ALDH1A2: variants seen among roughly 807,000 people sequenced by gnomAD.
The protein encoded by ALDH1A2 is retinal dehydrogenase 2.
Under a neutral mutation model 60.3 loss-of-function variants are expected in ALDH1A2, and 27 were observed. The ratio of observed to expected loss-of-function variants is 0.45; its 90% CI spans 0.33 to 0.62. The LOEUF is 0.62. Ranked by LOEUF, ALDH1A2 falls within the 20% of genes least tolerant of loss-of-function variation. ALDH1A2 has a pLI of 0.02. For missense variants in ALDH1A2, 581 were observed against 643.8 expected (o/e 0.90, Z 1.06); for synonymous variants, 289 against 232.4 (o/e 1.24, Z -2.21).
At chr15:57,980,058 T>C in intron 7 of ALDH1A2, 1 of 315,128 alleles carries the variant, frequency 3.2e-6, no homozygotes, top group Non-Finnish European at 6.5e-6. Flanking sequence ...GGGGGCAGGA[T>C]GTGATTCTTG....
chr15:58,032,793 C>CAT (rs1426183565), intron 1 of ALDH1A2, among the ~76,000 whole-genome samples: 2 of 145,184 alleles, frequency 1.4e-5, no homozygotes, highest in Non-Finnish European at 3.0e-5. Context: ...CCCCTCAACA[C>CAT]ACACACACAC....
At chr15:57,992,077 T>C (rs1341122835) in intron 7 of ALDH1A2, among the ~76,000 whole-genome samples, 2 of 152,236 alleles carry the variant, frequency 1.3e-5, no homozygotes, top group African/African-American at 4.8e-5. Context: ...TTAGCATTTG[T>C]AATCCATACA....
At chr15:57,966,360 C>G (rs1468172048) in intron 7 of ALDH1A2, among the ~76,000 whole-genome samples, 1 of 152,188 alleles carries the variant, frequency 6.6e-6, no homozygotes, top group Non-Finnish European at 1.5e-5. Context: ...GAGAATCTCT[C>G]TTTTTGTGCA....
intron 1 of ALDH1A2, among the ~76,000 whole-genome samples, chr15:58,037,481 C>T (rs1215534364): frequency 6.6e-6 from 1 of 151,600 alleles, no homozygotes; most frequent in Non-Finnish European, 1.5e-5. Context: ...AATACTTAAA[C>T]TATTCAATGT....
chr15:58,003,609 C>T (rs1036699482), intron 4 of ALDH1A2, among the ~76,000 whole-genome samples: 1 of 151,772 alleles, frequency 6.6e-6, no homozygotes, highest in East Asian at 1.9e-4. Flanking sequence ...TCAACACTTG[C>T]TACAGAGAAA....
At chr15:58,009,819 T>C (rs1026997702) in intron 4 of ALDH1A2, among the ~76,000 whole-genome samples, 1 of 152,122 alleles carries the variant, frequency 6.6e-6, no homozygotes, top group African/African-American at 2.4e-5. Context: ...CTTTCCACTT[T>C]TGTAAACTGA....
intron 7 of ALDH1A2, among the ~76,000 whole-genome samples, chr15:57,977,606 T>C (rs1894307899): frequency 6.6e-6 from 1 of 152,198 alleles, no homozygotes; most frequent in Non-Finnish European, 1.5e-5. Flanking sequence ...ATGCTGTTTT[T>C]GTTACTGTAA....
chr15:58,019,441 G>T (rs1895866643), intron 1 of ALDH1A2, among the ~76,000 whole-genome samples: 1 of 152,212 alleles, frequency 6.6e-6, no homozygotes, highest in African/African-American at 2.4e-5. Flanking sequence ...GAGGAAAAAT[G>T]TGGGCTTTAC....
At chr15:58,021,725 A>C (rs1234091628) in intron 1 of ALDH1A2, among the ~76,000 whole-genome samples, 1 of 152,262 alleles carries the variant, frequency 6.6e-6, no homozygotes, top group Non-Finnish European at 1.5e-5. Flanking sequence ...GGCATTAAGG[A>C]AACTCAGGCT....
At chr15:58,054,913 CT>C in intron 1 of ALDH1A2, among the ~76,000 whole-genome samples, 1 of 152,064 alleles carries the variant, frequency 6.6e-6, no homozygotes, top group South Asian at 2.1e-4. Context: ...CAATTCTCTC[CT>C]TTTTTTAAAT....
At chr15:58,031,774 T>C (rs1342572139) in intron 1 of ALDH1A2, among the ~76,000 whole-genome samples, 3 of 152,180 alleles carry the variant, frequency 2.0e-5, no homozygotes, top group African/African-American at 7.2e-5. Flanking sequence ...CCACCGGTCA[T>C]CAGAGAAATC....
intron 1 of ALDH1A2, among the ~76,000 whole-genome samples, chr15:58,046,406 G>A (rs1896641453): frequency 6.6e-6 from 1 of 152,000 alleles, no homozygotes; most frequent in South Asian, 2.1e-4. Context: ...TGTTACAAGG[G>A]TCATATCTAT....
intron 7 of ALDH1A2, among the ~76,000 whole-genome samples, chr15:57,991,112 A>C (rs1425700671): frequency 1.3e-5 from 2 of 152,194 alleles, no homozygotes; most frequent in African/African-American, 4.8e-5. Flanking sequence ...CCTTAAAGTG[A>C]AGTAAGGACT....
chr15:58,034,050 T>C (rs1214975711), intron 1 of ALDH1A2, among the ~76,000 whole-genome samples: 1 of 151,718 alleles, frequency 6.6e-6, no homozygotes, highest in African/African-American at 2.4e-5. Context: ...TTGATTGGGA[T>C]TGCATTGAAT....
Position 57,988,964 on chromosome 15 carries a change from C to CT in ALDH1A2, c.798+3740_798+3741insA, listed in dbSNP as rs1566939588. On this transcript the variant is annotated intron_variant, in intron 7 of 12. Transcript: ENST00000249750. ...CTGGTGGATCATGAGGTCAGGAGTTCAAGACCAGCCTAGCCAACATGGTGA... is the reference window on the plus strand; with the variant it reads ...CTGGTGGATCATGAGGTCAGGAGTTCTAAGACCAGCCTAGCCAACATGGTGA... Among the ~76,000 whole-genome samples the CT allele has an allele frequency of 2.0e-5, 3 of 152,026 alleles. No individual in the cohort carries two copies. In the South Asian group the frequency reaches 6.2e-4, roughly 32 times the overall value.
intron 8 of ALDH1A2, chr15:57,964,391 G>T: frequency 3.8e-6 from 1 of 263,090 alleles, no homozygotes; most frequent in Non-Finnish European, 7.3e-6. Context: ...AGGTGGTAAA[G>T]CAATGTAATG....
At chr15:57,995,241 C>T in intron 4 of ALDH1A2, 102 bp from the exon 5 acceptor site, 1 of 624,482 alleles carries the variant, frequency 1.6e-6, no homozygotes. Context: ...AAAAAACAAA[C>T]AGAAATAAAC....
At chr15:58,016,552 A>G (rs780076023) in intron 1 of ALDH1A2, among the ~76,000 whole-genome samples, 4 of 152,148 alleles carry the variant, frequency 2.6e-5, no homozygotes, top group African/African-American at 4.8e-5. Context: ...AAAAATACTT[A>G]TTTTTAGTAA....
At chr15:58,008,026 G>C (rs1895513959) in intron 4 of ALDH1A2, among the ~76,000 whole-genome samples, 1 of 152,042 alleles carries the variant, frequency 6.6e-6, no homozygotes, top group Non-Finnish European at 1.5e-5. Context: ...TGAATTCTAA[G>C]TGGCCTCTAG....
Sources: gnomAD v4.1 joint callset for allele counts (sites outside exome capture counted in the v4.1 genomes callset) on GRCh38, gnomAD v4.1.1 for gene constraint, MANE v1.5 for transcripts, NCBI Gene and HGNC (gene_info 2026-07-23, HGNC 2026-07-21) for gene names.